Variants in ELOC observed in about 807,000 individuals in gnomAD.
ELOC encodes elongin C, also known as elongin-C.
For missense variants in ELOC, 38 were observed against 139.0 expected (o/e 0.27, Z 3.65); for synonymous variants, 40 against 51.3 (o/e 0.78, Z 0.94).
At chr8:73,967,241 C>A (rs1341173508) in intron 1 of ELOC, among the ~76,000 whole-genome samples, 1 of 152,048 alleles carries the variant, frequency 6.6e-6, no homozygotes, top group Non-Finnish European at 1.5e-5. Context: ...TCTCCTCCAC[C>A]CGTATCCTGG....
chr8:73,970,036 T>C (rs765896433), intron 1 of ELOC, among the ~76,000 whole-genome samples: 11 of 152,208 alleles, frequency 7.2e-5, no homozygotes, highest in Non-Finnish European at 1.6e-4. Flanking sequence ...ATGCCTGTTA[T>C]TCCAGCACTT....
At chr8:73,961,532 G>A (rs1429319685) in intron 1 of ELOC, among the ~76,000 whole-genome samples, 1 of 140,160 alleles carries the variant, frequency 7.1e-6, no homozygotes, top group Non-Finnish European at 1.5e-5. Context: ...TTTTTTTTTT[G>A]AGAGGCAGTC....
rs565668335 is a variant in ELOC at position 73,948,238 on chromosome 8, T to C, written c.149-1418A>G. Among the ~76,000 whole-genome samples, 4 of 152,040 alleles carry C rather than the reference T, an allele frequency of 2.6e-5. No homozygotes were observed. In the East Asian group the frequency reaches 7.7e-4, roughly 29 times the overall value. ...ACTTGAGATTCATCAAGACTGAATT[T>C]TAAAATTCTAATTCTCTCCCTGTGG... On this transcript the variant is annotated intron_variant, in intron 3 of 3. Transcript: ENST00000520242.
At chr8:73,957,095 C>A (rs555825693) in intron 2 of ELOC, among the ~76,000 whole-genome samples, 5 of 151,464 alleles carry the variant, frequency 3.3e-5, no homozygotes, top group African/African-American at 9.7e-5. Context: ...ATGGCATGAA[C>A]ACAGGAGGCG....
chr8:73,960,393 T>G (rs1014697835), intron 1 of ELOC, among the ~76,000 whole-genome samples: 2 of 152,204 alleles, frequency 1.3e-5, no homozygotes, highest in Admixed American at 6.5e-5. Flanking sequence ...CTATTCTTCA[T>G]GGGTCCTGGT....
intron 1 of ELOC, among the ~76,000 whole-genome samples, chr8:73,964,849 A>G (rs191101215): frequency 1.1e-3 from 169 of 152,194 alleles, no homozygotes; most frequent in Non-Finnish European, 2.1e-3. Flanking sequence ...CATGGTGGTG[A>G]AACCCCGTTT....
At chr8:73,965,120 C>T (rs1332278623) in intron 1 of ELOC, among the ~76,000 whole-genome samples, 1 of 147,298 alleles carries the variant, frequency 6.8e-6, no homozygotes, top group Non-Finnish European at 1.5e-5. Context: ...AAAATATTCA[C>T]AACGCGTATC....
intron 1 of ELOC, among the ~76,000 whole-genome samples, chr8:73,963,862 G>A (rs1452245264): frequency 6.6e-6 from 1 of 152,114 alleles, no homozygotes; most frequent in East Asian, 1.9e-4. Context: ...GGAGGCCGAA[G>A]GGGGTGGATC....
chr8:73,964,815 G>T (rs577944009), intron 1 of ELOC, among the ~76,000 whole-genome samples: 1 of 152,190 alleles, frequency 6.6e-6, no homozygotes, highest in East Asian at 1.9e-4. Context: ...TTTGAACCCA[G>T]GAGTTTGAGA....
intron 2 of ELOC, 77 bp downstream of exon 2, chr8:73,959,688 C>G (rs1034344799): frequency 7.8e-7 from 1 of 1,288,244 alleles, no homozygotes; most frequent in East Asian, 2.5e-5. Context: ...TACTTGTGTT[C>G]ACTGAATTTT....
chr8:73,968,502 T>A (rs1050225392), intron 1 of ELOC, among the ~76,000 whole-genome samples: 5 of 152,218 alleles, frequency 3.3e-5, no homozygotes, highest in Admixed American at 6.5e-5. Context: ...TCCCAACATA[T>A]AATGTGTATT....
intron 1 of ELOC, among the ~76,000 whole-genome samples, chr8:73,965,715 G>T (rs28459161): frequency 0.012 from 1,783 of 152,268 alleles, 34 homozygotes; most frequent in African/African-American, 0.041. Flanking sequence ...TTTAAAAAAA[G>T]ATAGCATTTC....
chr8:73,966,225 A>C (rs922280217), intron 1 of ELOC, among the ~76,000 whole-genome samples: 1 of 152,192 alleles, frequency 6.6e-6, no homozygotes, highest in Admixed American at 6.5e-5. Context: ...AGAAAACCAA[A>C]ACAAAATAAT....
Position 73,946,548 on chromosome 8 carries a change from T to A in ELOC, c.*82A>T. 9.2e-7 allele frequency: 1 copy of A among 1,091,676 alleles called. No homozygotes were observed. The highest frequency in any genetic ancestry group is 2.6e-5 in the East Asian group (1 of 38,396). The allele number at this position is 1,091,676 out of a possible 1,614,324, so 67.6% of individuals were successfully genotyped here. On this transcript the variant is annotated 3_prime_UTR_variant, in exon 4 of 4. Coordinates refer to ENST00000520242, the MANE Select transcript of ELOC (RefSeq NM_005648.4). The stretch of plus-strand genomic sequence containing the variant: ...ATAGTTCAACTGCATACAGGCAACA[T>A]GCTATATATGAAAAAGTTACTAACT...
At chr8:73,958,546 G>T (rs1814364645) in intron 2 of ELOC, among the ~76,000 whole-genome samples, 1 of 152,036 alleles carries the variant, frequency 6.6e-6, no homozygotes, top group South Asian at 2.1e-4. Flanking sequence ...ATAAAAAGCG[G>T]GAGGAGCCAT....
At chr8:73,948,824 C>T (rs768404193) in intron 3 of ELOC, among the ~76,000 whole-genome samples, 2 of 148,728 alleles carry the variant, frequency 1.3e-5, no homozygotes, top group African/African-American at 2.5e-5. Flanking sequence ...AAGACAGAGA[C>T]CCTGTCACTC....
intron 3 of ELOC, among the ~76,000 whole-genome samples, chr8:73,953,688 CAAT>C (rs1813937745): frequency 2.0e-5 from 3 of 150,078 alleles, no homozygotes; most frequent in Admixed American, 2.0e-4. Context: ...AAACAAAAAA[CAAT>C]AACAAATATT....
chr8:73,949,555 C>T (rs972470779), intron 3 of ELOC, among the ~76,000 whole-genome samples: 2 of 152,220 alleles, frequency 1.3e-5, no homozygotes, highest in African/African-American at 4.8e-5. Flanking sequence ...AGTTACTCCT[C>T]ATCTTCCCCA....
At chr8:73,962,512 T>C (rs1814672272) in intron 1 of ELOC, among the ~76,000 whole-genome samples, 2 of 152,172 alleles carry the variant, frequency 1.3e-5, no homozygotes, top group East Asian at 1.9e-4. Flanking sequence ...TAAAAATTCA[T>C]GAGAGCCATT....
Sources: gnomAD v4.1 joint callset for allele counts (sites outside exome capture counted in the v4.1 genomes callset) on GRCh38, gnomAD v4.1.1 for gene constraint, MANE v1.5 for transcripts, NCBI Gene and HGNC (gene_info 2026-07-23, HGNC 2026-07-21) for gene names.